Variants in MEIS1 observed in about 807,000 individuals in gnomAD.
MEIS1 encodes the protein homeobox protein Meis1.
MEIS1 carries 5 observed loss-of-function variants against 50.8 expected under a neutral mutation model. That is an observed-to-expected ratio of 0.10 (90% CI 0.05 to 0.21). The LOEUF (loss-of-function observed/expected upper bound fraction) is 0.21. Ranked by LOEUF, MEIS1 falls within the 10% of genes least tolerant of loss-of-function variation. The probability of loss-of-function intolerance (pLI) is 1.00; values close to 1 mark genes in which losing one functional copy is unlikely to be tolerated. For synonymous variants in MEIS1, 176 were observed against 179.3 expected, an observed-to-expected ratio of 0.98 and a Z score of 0.15; for missense variants, 318 against 517.3, an observed-to-expected ratio of 0.61 and a Z score of 3.74.
At chr2:66,513,819 A>C (rs75571970) in intron 8 of MEIS1, among the ~76,000 whole-genome samples, 2,458 of 152,262 alleles carry the variant, frequency 0.016, 69 homozygotes, top group African/African-American at 0.056. Context: ...ATGTGTGTAG[A>C]TATTTCAATA....
At chr2:66,452,691 T>C (rs1672302736) in intron 6 of MEIS1, among the ~76,000 whole-genome samples, 1 of 151,974 alleles carries the variant, frequency 6.6e-6, no homozygotes, top group Non-Finnish European at 1.5e-5. Flanking sequence ...CCCCTTCCTT[T>C]CTTTCAGCCT....
intron 9 of MEIS1, among the ~76,000 whole-genome samples, chr2:66,554,111 G>A (rs992363384): frequency 1.3e-5 from 2 of 152,162 alleles, no homozygotes; most frequent in East Asian, 1.9e-4. Context: ...GAATTATGTC[G>A]GGACCCTGTA....
At chr2:66,498,905 A>G (rs1240896018) in intron 7 of MEIS1, among the ~76,000 whole-genome samples, 1 of 152,216 alleles carries the variant, frequency 6.6e-6, no homozygotes, top group Non-Finnish European at 1.5e-5. Context: ...TTTTAACAAG[A>G]TCCCAGCTGT....
chr2:66,451,874 C>G (rs1672283828), intron 6 of MEIS1, among the ~76,000 whole-genome samples: 1 of 151,684 alleles, frequency 6.6e-6, no homozygotes, highest in African/African-American at 2.4e-5. Context: ...GGAAACTTTT[C>G]AATATATAGC....
At chr2:66,507,342 A>C (rs1006786297) in intron 7 of MEIS1, among the ~76,000 whole-genome samples, 1 of 152,164 alleles carries the variant, frequency 6.6e-6, no homozygotes. Context: ...AAAACTGTGG[A>C]GTCTCAATAC....
chr2:66,515,451 T>C (rs1044387380), intron 8 of MEIS1, among the ~76,000 whole-genome samples: 5 of 152,136 alleles, frequency 3.3e-5, no homozygotes, highest in Non-Finnish European at 4.4e-5. Flanking sequence ...CCCAGCTACA[T>C]GAGAAGAAAA....
chr2:66,549,107 C>G (rs1330504343), intron 9 of MEIS1, among the ~76,000 whole-genome samples: 1 of 152,122 alleles, frequency 6.6e-6, no homozygotes, highest in African/African-American at 2.4e-5. Context: ...TATTAAACCC[C>G]ATTACAGAAA....
At chr2:66,452,050 T>TA (rs1672288392) in intron 6 of MEIS1, among the ~76,000 whole-genome samples, 1 of 151,886 alleles carries the variant, frequency 6.6e-6, no homozygotes, top group African/African-American at 2.4e-5. Flanking sequence ...AGCAAATAGG[T>TA]AAGATGCTAT....
At chr2:66,445,911 C>T (rs1477924277) in intron 6 of MEIS1, among the ~76,000 whole-genome samples, 2 of 152,200 alleles carry the variant, frequency 1.3e-5, no homozygotes, top group African/African-American at 4.8e-5. Flanking sequence ...CCTTCCCCCA[C>T]TCCCAGTCTT....
intron 6 of MEIS1, among the ~76,000 whole-genome samples, chr2:66,445,033 C>T (rs1250889502): frequency 6.6e-6 from 1 of 152,078 alleles, no homozygotes; most frequent in African/African-American, 2.4e-5. Context: ...CATGGAGCTC[C>T]CCCCTTCTCC....
chr2:66,536,297 G>T (rs1404371136), intron 8 of MEIS1, among the ~76,000 whole-genome samples: 1 of 152,142 alleles, frequency 6.6e-6, no homozygotes, highest in Non-Finnish European at 1.5e-5. Context: ...TTCCAGAGTG[G>T]AGATTTTAGT....
intron 7 of MEIS1, among the ~76,000 whole-genome samples, chr2:66,502,282 G>A (rs1375172513): frequency 1.3e-5 from 2 of 152,134 alleles, no homozygotes; most frequent in African/African-American, 4.8e-5. Flanking sequence ...GGAAACAGAG[G>A]GGAATAGAGG....
intron 7 of MEIS1, among the ~76,000 whole-genome samples, chr2:66,466,301 T>C (rs1672633600): frequency 6.6e-6 from 1 of 152,218 alleles, no homozygotes; most frequent in Non-Finnish European, 1.5e-5. Flanking sequence ...TAACTTCCAC[T>C]GTCATCAAAT....
chr2:66,440,075 A>C, intron 3 of MEIS1, 91 bp downstream of exon 3: 3 of 1,063,466 alleles, frequency 2.8e-6, no homozygotes, highest in Non-Finnish European at 4.0e-6. Flanking sequence ...GCGAACACAC[A>C]CACACACACA....
chr2:66,562,339 C>A (rs1225552942), intron 9 of MEIS1, among the ~76,000 whole-genome samples: 4 of 150,920 alleles, frequency 2.7e-5, no homozygotes, highest in African/African-American at 9.7e-5. Context: ...GCTCAGAAAA[C>A]TATTCAGGTA....
chr2:66,445,881 G>A (rs1016394622), intron 6 of MEIS1, among the ~76,000 whole-genome samples: 8 of 152,058 alleles, frequency 5.3e-5, no homozygotes, highest in Non-Finnish European at 8.8e-5. Context: ...TAAGACACCA[G>A]TAGAAGCTGT....
intron 9 of MEIS1, among the ~76,000 whole-genome samples, chr2:66,562,917 T>G (rs1675253290): frequency 1.3e-5 from 2 of 152,204 alleles, no homozygotes; most frequent in African/African-American, 4.8e-5. Context: ...AAACCCTATG[T>G]TCGAATGTAA....
At chr2:66,443,166 C>T in intron 6 of MEIS1, 118 bp downstream of exon 6, 1 of 1,187,504 alleles carries the variant, frequency 8.4e-7, no homozygotes, top group Non-Finnish European at 1.1e-6. Context: ...CTTTTAGATA[C>T]ATTTCCATCG....
chr2:66,529,991 A>T (rs1363956567), intron 8 of MEIS1, among the ~76,000 whole-genome samples: 2 of 152,156 alleles, frequency 1.3e-5, no homozygotes, highest in Admixed American at 1.3e-4. Context: ...AGTGGAGGGG[A>T]GGGTGATGGG....
Sources: allele counts gnomAD v4.1 joint callset (sites outside exome capture counted in the v4.1 genomes callset), GRCh38; gene constraint gnomAD v4.1.1; transcripts MANE v1.5; gene names NCBI Gene and HGNC (gene_info 2026-07-23, HGNC 2026-07-21).